The following ZBTB38 variants were observed in gnomAD, a reference collection of about 807,000 sequenced individuals.
The protein encoded by ZBTB38 is zinc finger and BTB domain-containing protein 38.
Under a neutral mutation model 76.8 loss-of-function variants are expected in ZBTB38, and 20 were observed. That is an observed-to-expected ratio of 0.26 (90% CI 0.18 to 0.38). ZBTB38 has a LOEUF of 0.38. ZBTB38 is among the 10% of genes least tolerant of loss of function. The probability of loss-of-function intolerance (pLI) is 1.00; values close to 1 mark genes in which losing one functional copy is unlikely to be tolerated. For missense variants in ZBTB38, 1,082 were observed against 1,482.3 expected (o/e 0.73, Z 4.43); for synonymous variants, 504 against 544.2 (o/e 0.93, Z 1.03).
intron 1 of ZBTB38, among the ~76,000 whole-genome samples, chr3:141,355,297 C>T (rs752282112): frequency 6.6e-6 from 1 of 152,122 alleles, no homozygotes; most frequent in East Asian, 1.9e-4. Context: ...AAGGTCCTTA[C>T]TCTCCAAGGT....
At chr3:141,440,862 C>T (rs1276716541) in intron 5 of ZBTB38, among the ~76,000 whole-genome samples, 2 of 151,308 alleles carry the variant, frequency 1.3e-5, no homozygotes, top group Admixed American at 6.6e-5. Context: ...GGTGAAACCC[C>T]GTCTCTACTA....
chr3:141,407,370 A>G (rs1954907581), intron 5 of ZBTB38, among the ~76,000 whole-genome samples: 2 of 152,248 alleles, frequency 1.3e-5, no homozygotes, highest in Admixed American at 1.3e-4. Context: ...TTTTCCATGC[A>G]TAACTCATAT....
chr3:141,410,573 G>A (rs1383731752), intron 5 of ZBTB38, among the ~76,000 whole-genome samples: 1 of 152,200 alleles, frequency 6.6e-6, no homozygotes, highest in African/African-American at 2.4e-5. Flanking sequence ...GACTGGCATT[G>A]TCCCATGAGA....
intron 1 of ZBTB38, among the ~76,000 whole-genome samples, chr3:141,348,094 A>T (rs749299952): frequency 6.6e-6 from 1 of 152,220 alleles, no homozygotes; most frequent in Non-Finnish European, 1.5e-5. Flanking sequence ...TTTGAAGGGT[A>T]GTTCTTAATC....
At position 141,445,548 on chromosome 3, in the gene ZBTB38, C is replaced by T; in HGVS notation, c.3160C>T (p.Gln1054Ter). Reference protein sequence around the residue: ...GRCFSVQGNLQKHERIHLGLK... With the variant: ...GRCFSVQGNL The stretch of plus-strand genomic sequence containing the variant: ...GTGCTTTTCGGTGCAAGGAAACTTA[C>T]AGAAACATGAACGCATCCACCTGGG... Residue 1054 changes from glutamine (Q) to a stop codon, truncating the protein, a stop_gained, in exon 6 of 6, where the codon CAG (glutamine) becomes TAG (stop). Transcript: ENST00000321464. LOFTEE classifies it high-confidence loss of function. The surrounding 1 kb of genome is among the most constrained non-coding windows in gnomAD (Gnocchi z 6.5). The T allele has an allele frequency of 6.2e-7, 1 of 1,614,206 alleles. No individual in the cohort carries two copies. Among genetic ancestry groups the T allele is most frequent in the Non-Finnish European group, 8.5e-7 (1 of 1,180,038 alleles).
At chr3:141,406,329 G>T (rs749078068) in intron 5 of ZBTB38, among the ~76,000 whole-genome samples, 2 of 152,080 alleles carry the variant, frequency 1.3e-5, no homozygotes, top group Admixed American at 6.5e-5. Flanking sequence ...ACCCACCAAG[G>T]AAAAAGAGGG....
At chr3:141,416,308 A>C (rs747585442) in intron 5 of ZBTB38, among the ~76,000 whole-genome samples, 6 of 152,232 alleles carry the variant, frequency 3.9e-5, no homozygotes, top group Non-Finnish European at 8.8e-5. Context: ...TGAGGGCAGC[A>C]TGGCCTGGCT....
At chr3:141,427,100 G>C (rs533471948) in intron 5 of ZBTB38, among the ~76,000 whole-genome samples, 2 of 152,058 alleles carry the variant, frequency 1.3e-5, no homozygotes, top group African/African-American at 2.4e-5. Flanking sequence ...TGGAAAGCTC[G>C]GTAACAGTGC....
Position 141,445,678 on chromosome 3 carries a change from A to T in ZBTB38, c.3290A>T (p.Gln1097Leu). 1 of 1,614,246 alleles carries T rather than the reference A, an allele frequency of 6.2e-7. No homozygotes were observed. The highest frequency in any genetic ancestry group is 8.5e-7 in the Non-Finnish European group (1 of 1,180,044). Residue 1097 changes from glutamine to leucine, a missense_variant, in exon 6 of 6, where the codon CAG becomes CTG. Coordinates refer to ENST00000321464, the MANE Select transcript of ZBTB38 (RefSeq NM_001376113.1). The surrounding 1 kb of genome is among the most constrained non-coding windows in gnomAD (Gnocchi z 6.5). ...ACTGGAGAAAAGCGTTACCACTGTC[A>T]GTTCTGCTTTCAGAGATTTTTGTAT... ...IHTGEKRYHC[Q>L]FCFQRFLYLS...
At position 141,334,485 on chromosome 3, in the gene ZBTB38, C is replaced by CTTCCTTCCTTCCTTCCT. The variant is rs1223773728; in HGVS notation, c.-739+10041_-739+10057dup. ...CCTTCCTTCCTTCCTTCTTTCCTTT[C>CTTCCTTCCTTCCTTCCT]TTCCTTCCTTCCTTCCTTTCCTTCC... is the stretch of plus-strand genomic sequence containing the variant. On this transcript the variant is annotated intron_variant, in intron 1 of 7. Transcript: ENST00000509842. Among the ~76,000 whole-genome samples, 11 of 148,196 alleles carry CTTCCTTCCTTCCTTCCT rather than the reference C, an allele frequency of 7.4e-5. No homozygotes were observed. In the East Asian group the frequency reaches 2.2e-3, roughly 29 times the overall value.
In ZBTB38 at chr3:141,325,778, A is replaced by G. The variant is rs547937551; in HGVS notation, c.-739+1322A>G. On this transcript the variant is annotated intron_variant, in intron 1 of 7. Coordinates refer to the ZBTB38 transcript ENST00000509842. Reference sequence around the variant, plus strand: ...AACTGTAAAAAAGACAAACCAACAAACAAACACTCTTGATAATTTAAGCAG... The same window carrying G: ...AACTGTAAAAAAGACAAACCAACAAGCAAACACTCTTGATAATTTAAGCAG... Among the ~76,000 whole-genome samples, 76 of 152,308 alleles carry G rather than the reference A, an allele frequency of 5.0e-4. No individual in the cohort carries two copies. The South Asian group carries it at 0.016, about 32-fold the overall frequency.
chr3:141,372,836 A>G (rs1049313057), intron 2 of ZBTB38, among the ~76,000 whole-genome samples: 1 of 152,218 alleles, frequency 6.6e-6, no homozygotes, highest in Non-Finnish European at 1.5e-5. Flanking sequence ...GGTCTCAGTC[A>G]ACATCAGGGT....
At chr3:141,346,827 C>T (rs1301749045) in intron 1 of ZBTB38, among the ~76,000 whole-genome samples, 2 of 123,086 alleles carry the variant, frequency 1.6e-5, no homozygotes, top group Non-Finnish European at 3.5e-5. Context: ...GTGCAATGCT[C>T]ACACATGAAG....
At chr3:141,325,071 G>T (rs988309059) in intron 1 of ZBTB38, among the ~76,000 whole-genome samples, 4 of 152,146 alleles carry the variant, frequency 2.6e-5, no homozygotes, top group African/African-American at 9.7e-5. Flanking sequence ...CTTTATTTTG[G>T]TGTACAAACA....
intron 5 of ZBTB38, among the ~76,000 whole-genome samples, chr3:141,430,821 A>C (rs536096999): frequency 5.9e-5 from 9 of 152,282 alleles, no homozygotes; most frequent in African/African-American, 2.2e-4. Flanking sequence ...CGTCCCCCAG[A>C]GGTAGCAATC....
chr3:141,366,445 C>CTTGTG (rs1233771760), upstream of ZBTB38: 1 of 152,228 alleles, frequency 6.6e-6, no homozygotes, highest in African/African-American at 2.4e-5. Context: ...ATTTCCTCAG[C>CTTGTG]CCAAGATCAG....
intron 1 of ZBTB38, among the ~76,000 whole-genome samples, chr3:141,353,168 T>A (rs534167151): frequency 6.6e-6 from 1 of 152,048 alleles, no homozygotes; most frequent in East Asian, 1.9e-4. Flanking sequence ...GCCCAGAGGC[T>A]CTCTCTTTTC....
intron 3 of ZBTB38, among the ~76,000 whole-genome samples, chr3:141,382,076 T>C (rs1435203256): frequency 6.6e-6 from 1 of 152,090 alleles, no homozygotes; most frequent in Non-Finnish European, 1.5e-5. Flanking sequence ...AGGAGAAAAA[T>C]ACTATTTGTG....
intron 1 of ZBTB38, among the ~76,000 whole-genome samples, chr3:141,350,617 C>A (rs1943488320): frequency 6.6e-6 from 1 of 152,108 alleles, no homozygotes; most frequent in African/African-American, 2.4e-5. Context: ...TGAAACAGAT[C>A]CTCAGGTAAC....
Sources: gnomAD v4.1 joint callset for allele counts (sites outside exome capture counted in the v4.1 genomes callset) on GRCh38, gnomAD v4.1.1 for gene constraint, Gnocchi (gnomAD v3.1) non-coding constraint, MANE v1.5 for transcripts, NCBI Gene and HGNC (gene_info 2026-07-23, HGNC 2026-07-21) for gene names.